The following SLC13A1 variants were observed in gnomAD, a reference collection of about 807,000 sequenced individuals.
The protein encoded by SLC13A1 is Na(+)/sulfate cotransporter.
A neutral mutation model predicts 70.0 loss-of-function variants in SLC13A1; 65 were observed. The observed-to-expected ratio is 0.93, with a 90% CI of 0.76 to 1.14. SLC13A1 has a LOEUF of 1.14. Ranked by LOEUF, SLC13A1 falls within the 50% of genes most tolerant of loss-of-function variation. The pLI is 0.00. For synonymous variants in SLC13A1, 275 were observed against 250.5 expected (o/e 1.10, Z -0.92); for missense variants, 726 against 717.8 (o/e 1.01, Z -0.13).
intron 2 of SLC13A1, among the ~76,000 whole-genome samples, chr7:123,178,679 T>G (rs974682517): frequency 2.0e-5 from 3 of 152,086 alleles, no homozygotes; most frequent in African/African-American, 4.8e-5. Flanking sequence ...GTCAGCTAAC[T>G]TATTAGTAAA....
intron 1 of SLC13A1, chr7:123,186,748 C>T: frequency 4.4e-6 from 2 of 455,694 alleles, no homozygotes; most frequent in Non-Finnish European, 8.8e-6. Context: ...TTACAACTTA[C>T]TCTGCAACCG....
intron 10 of SLC13A1, among the ~76,000 whole-genome samples, 188 bp downstream of exon 10, chr7:123,128,657 T>C (rs537546210): frequency 6.6e-6 from 1 of 152,314 alleles, no homozygotes; most frequent in South Asian, 2.1e-4. Flanking sequence ...ATGGTTATTC[T>C]TTCTGTGCTC....
intron 6 of SLC13A1, among the ~76,000 whole-genome samples, chr7:123,164,500 A>C (rs1214098197): frequency 6.6e-6 from 1 of 151,874 alleles, no homozygotes; most frequent in African/African-American, 2.4e-5. Context: ...AATTGTAATA[A>C]TTTCATTAGA....
At chr7:123,185,795 G>A (rs940144262) in intron 1 of SLC13A1, among the ~76,000 whole-genome samples, 6 of 151,894 alleles carry the variant, frequency 4.0e-5, no homozygotes, top group South Asian at 2.1e-4. Flanking sequence ...TTTTAGGATC[G>A]TTTGAGAGCT....
chr7:123,123,366 A>G, intron 11 of SLC13A1, 131 bp from the exon 12 acceptor site: 1 of 604,266 alleles, frequency 1.7e-6, no homozygotes, highest in East Asian at 2.8e-5. Context: ...AGGGGAATTA[A>G]TCTGGAGTTT....
intron 7 of SLC13A1, among the ~76,000 whole-genome samples, chr7:123,139,569 G>T (rs1046098432): frequency 2.6e-5 from 4 of 151,602 alleles, no homozygotes; most frequent in Non-Finnish European, 5.9e-5. Context: ...TCCATTTTTG[G>T]TGTCCTATTC....
intron 11 of SLC13A1, among the ~76,000 whole-genome samples, chr7:123,124,120 C>G (rs939511933): frequency 2.0e-5 from 3 of 152,086 alleles, no homozygotes; most frequent in East Asian, 3.9e-4. Flanking sequence ...TATTATTTGT[C>G]ATTTTTAAGC....
intron 1 of SLC13A1, among the ~76,000 whole-genome samples, chr7:123,183,037 C>T (rs1380753377): frequency 6.6e-6 from 1 of 152,114 alleles, no homozygotes; most frequent in Non-Finnish European, 1.5e-5. Context: ...CCTTGCTCCT[C>T]ATAATGCATC....
intron 1 of SLC13A1, among the ~76,000 whole-genome samples, chr7:123,189,722 A>T (rs554580320): frequency 1.1e-4 from 17 of 152,156 alleles, no homozygotes; most frequent in African/African-American, 4.1e-4. Context: ...AAGGTCTATT[A>T]TATATTTATT....
chr7:123,142,678 C>T (rs1031707676), intron 7 of SLC13A1, among the ~76,000 whole-genome samples: 4 of 69,466 alleles, frequency 5.8e-5, no homozygotes, highest in Admixed American at 3.0e-4. Context: ...AGTGCAGTAG[C>T]GCGATCTTGG....
intron 1 of SLC13A1, among the ~76,000 whole-genome samples, chr7:123,184,602 C>A (rs1198967552): frequency 6.6e-6 from 1 of 151,896 alleles, no homozygotes; most frequent in Non-Finnish European, 1.5e-5. Context: ...CATTTTATGG[C>A]TGAATAGTAT....
chr7:123,173,111 C>T (rs1286345778), intron 2 of SLC13A1, among the ~76,000 whole-genome samples: 1 of 151,984 alleles, frequency 6.6e-6, no homozygotes, highest in African/African-American at 2.4e-5. Context: ...CTAAAAAAAT[C>T]AAACAATAGC....
Position 123,139,439 on chromosome 7 carries a change from C to A in SLC13A1, c.813-4910G>T, listed in dbSNP as rs146578616. Among the ~76,000 whole-genome samples, 629 of 150,156 alleles carry A rather than the reference C, an allele frequency of 4.2e-3. 7 individuals carry two copies. Among genetic ancestry groups the A allele is most frequent in the Non-Finnish European group, 6.4e-3 (429 of 67,368 alleles). ...ATATAAATTTTAGGATTTTTTTTTT[C>A]TATTTCTGTGAAGAATGTCATTGGC... On this transcript the variant is annotated intron_variant, in intron 7 of 14. Transcript: ENST00000194130.
rs1159622593 is a variant in SLC13A1 at position 123,168,560 on chromosome 7, T to C, written c.555A>G (p.Glu185=). 1 of 1,603,878 alleles carries C rather than the reference T, an allele frequency of 6.2e-7. No homozygotes were observed. Among genetic ancestry groups the C allele is most frequent in the Non-Finnish European group, 8.5e-7 (1 of 1,172,514 alleles). Residue 185 remains glutamate (E), a splice_region_variant and synonymous_variant, in exon 5 of 15, where the codon GAA becomes GAG. Transcript: ENST00000194130. The part of the protein sequence containing the change: ...GSTNHGLEID[E]SVNGHEINER... ...CATTTATTTCATGTCCATTAACACT[T>C]TCTGCAAAACATTAAATAAAAGAAA...
chr7:123,163,564 AT>A (rs1794979681), intron 6 of SLC13A1, among the ~76,000 whole-genome samples: 1 of 152,072 alleles, frequency 6.6e-6, no homozygotes, highest in Admixed American at 6.6e-5. Flanking sequence ...CAAAATGATC[AT>A]CGTTATTATC....
chr7:123,154,558 T>C (rs1794654649), intron 6 of SLC13A1, among the ~76,000 whole-genome samples: 1 of 152,144 alleles, frequency 6.6e-6, no homozygotes, highest in African/African-American at 2.4e-5. Flanking sequence ...AGTACAGACT[T>C]CACATTTTCA....
intron 6 of SLC13A1, among the ~76,000 whole-genome samples, chr7:123,167,318 A>G (rs774027333): frequency 6.6e-6 from 1 of 152,194 alleles, no homozygotes; most frequent in Non-Finnish European, 1.5e-5. Flanking sequence ...TCTAAAGATA[A>G]TATCTTCATA....
chr7:123,146,834 T>C, intron 7 of SLC13A1, among the ~76,000 whole-genome samples: 1 of 148,858 alleles, frequency 6.7e-6, no homozygotes, highest in East Asian at 2.0e-4. Context: ...CCCAAGAAAA[T>C]AATTCCTTTT....
intron 7 of SLC13A1, among the ~76,000 whole-genome samples, chr7:123,146,681 A>G (rs1049040848): frequency 2.0e-5 from 3 of 152,198 alleles, no homozygotes; most frequent in East Asian, 3.9e-4. Flanking sequence ...TTTGTAGAAT[A>G]CTTTATTACT....
Sources: gnomAD v4.1 joint callset for allele counts (sites outside exome capture counted in the v4.1 genomes callset) on GRCh38, gnomAD v4.1.1 for gene constraint, MANE v1.5 for transcripts, NCBI Gene and HGNC (gene_info 2026-07-23, HGNC 2026-07-21) for gene names.